The following LRSAM1 variants were observed in gnomAD, a reference collection of about 807,000 sequenced individuals.
The protein encoded by LRSAM1 is E3 ubiquitin-protein ligase LRSAM1.
A neutral mutation model predicts 118.1 loss-of-function variants in LRSAM1; 96 were observed. The observed-to-expected ratio is 0.81, with a 90% CI of 0.69 to 0.96. The LOEUF is 0.96. LRSAM1 is among the 40% of genes least tolerant of loss of function. The pLI is 0.00. For synonymous variants in LRSAM1, 322 were observed against 364.2 expected (o/e 0.88, Z 1.32); for missense variants, 804 against 915.5 (o/e 0.88, Z 1.57).
Position 127,481,165 on chromosome 9 carries a change from TTA to T in LRSAM1, c.1044-16_1044-15del. ...GCCTGCTGGTGACTGCCAGGACCTTTTATGATTTTCTCCACAGACAAAAGAAA... is the reference window on the plus strand; with the variant it reads ...GCCTGCTGGTGACTGCCAGGACCTTTTGATTTTCTCCACAGACAAAAGAAA... On this transcript the variant is annotated splice_polypyrimidine_tract_variant and intron_variant, in intron 14 of 25. Coordinates refer to ENST00000300417, the MANE Select transcript of LRSAM1 (RefSeq NM_001005373.4). 1 of 1,613,970 alleles carries T rather than the reference TTA, an allele frequency of 6.2e-7. No individual in the cohort carries two copies. Among genetic ancestry groups the T allele is most frequent in the Non-Finnish European group, 8.5e-7 (1 of 1,179,996 alleles).
rs1435776086 is a variant in LRSAM1, at chr9:127,503,168, G to A, written c.*269G>A. 7 of 510,870 alleles carry A rather than the reference G, an allele frequency of 1.4e-5. No individual in the cohort carries two copies. The highest frequency in any genetic ancestry group is 2.0e-5 in the South Asian group (1 of 49,214). The allele number at this position is 510,870 out of a possible 1,614,324, so 31.6% of individuals were successfully genotyped here. ...CCACCACCCGAGCCTGGGAGCCAGC[G>A]TCCCAGCCTAATCACGGATCTGCTG... On this transcript the variant is annotated 3_prime_UTR_variant, in exon 26 of 26. Transcript: ENST00000300417.
intron 10 of LRSAM1, among the ~76,000 whole-genome samples, chr9:127,471,465 T>C (rs1435058797): frequency 1.1e-5 from 1 of 93,980 alleles, no homozygotes; most frequent in Non-Finnish European, 2.1e-5. Flanking sequence ...AGAGAGACCT[T>C]ATGTTATAAA....
At chr9:127,459,217 GTTTTTT>G in intron 7 of LRSAM1, 146 bp downstream of exon 7, 1 of 579,626 alleles carries the variant, frequency 1.7e-6, no homozygotes, top group Non-Finnish European at 3.0e-6. Flanking sequence ...GCCCTTTGGG[GTTTTTT>G]TTTTTTTTTT....
intron 20 of LRSAM1, 102 bp from the exon 21 acceptor site, chr9:127,492,700 G>T: frequency 9.2e-7 from 1 of 1,083,956 alleles, no homozygotes; most frequent in African/African-American, 1.6e-5. Flanking sequence ...ATTGGGCAGA[G>T]AACCGAGTGA....
intron 19 of LRSAM1, among the ~76,000 whole-genome samples, chr9:127,490,055 C>A (rs1227450895): frequency 6.7e-6 from 1 of 150,034 alleles, no homozygotes; most frequent in African/African-American, 2.4e-5. Context: ...TGACAAGATA[C>A]CCCCCACCCC....
intron 10 of LRSAM1, among the ~76,000 whole-genome samples, chr9:127,473,549 T>C (rs1422613386): frequency 2.6e-5 from 4 of 152,202 alleles, no homozygotes; most frequent in Non-Finnish European, 5.9e-5. Context: ...CACTTCATTC[T>C]CACTTGGATG....
Position 127,487,724 on chromosome 9 carries a change from A to C in LRSAM1, c.1308A>C (p.Gln436His), listed in dbSNP as rs1464942666. The C allele has an allele frequency of 1.2e-6, 2 of 1,613,606 alleles. No individual in the cohort carries two copies. Among genetic ancestry groups the C allele is most frequent in the Admixed American group, 3.3e-5 (2 of 59,962 alleles). The change falls in exon 18 of 26, where the codon CAA becomes CAC. Residue 436 changes from glutamine (Q) to histidine (H), a missense_variant. Physicochemically the swap from Gln to His is conservative, Grantham distance 24. Coordinates refer to ENST00000300417, the MANE Select transcript of LRSAM1 (RefSeq NM_001005373.4). ...ERFQQILSWQ[Q>H]MDQNKAISQI... Reference sequence around the variant, plus strand: ...TCCAGCAGATTCTGTCGTGGCAGCAAATGGATCAGAACAAAGCCATCAGCC... The same window carrying C: ...TCCAGCAGATTCTGTCGTGGCAGCACATGGATCAGAACAAAGCCATCAGCC...
chr9:127,458,911 G>A, intron 6 of LRSAM1, 92 bp from the exon 7 acceptor site: 1 of 1,216,424 alleles, frequency 8.2e-7, no homozygotes, highest in Non-Finnish European at 1.2e-6. Context: ...CACTGGGGGT[G>A]TGAGGTGGCC....
intron 22 of LRSAM1, 40 bp downstream of exon 22, chr9:127,495,458 G>T: frequency 6.3e-7 from 1 of 1,583,844 alleles, no homozygotes. Context: ...GGGAGCCCTG[G>T]GGACCTCCTC....
At chr9:127,456,689 C>T (rs1292629499) in intron 5 of LRSAM1, among the ~76,000 whole-genome samples, 1 of 151,850 alleles carries the variant, frequency 6.6e-6, no homozygotes, top group Non-Finnish European at 1.5e-5. Context: ...ATGGTGAAAC[C>T]CGGTCTCTAC....
chr9:127,479,241 G>A, intron 12 of LRSAM1, 142 bp from the exon 13 acceptor site: 1 of 1,222,184 alleles, frequency 8.2e-7, no homozygotes. Flanking sequence ...TCTTACAGTT[G>A]GGCCCTGGAG....
In LRSAM1 at chr9:127,473,066, C is replaced by T. The variant is rs1835232275; in HGVS notation, c.620-735C>T. On this transcript the variant is annotated intron_variant, in intron 10 of 25. Coordinates refer to ENST00000300417, the MANE Select transcript of LRSAM1 (RefSeq NM_001005373.4). ...GTATTTTATTAAAGAGTCTGCTAAT[C>T]GGATGGATAACAAGAGAGCCCATTA... Among the ~76,000 whole-genome samples, 5 of 152,272 alleles carry T rather than the reference C, an allele frequency of 3.3e-5. No individual in the cohort carries two copies. The South Asian group carries it at 6.2e-4, about 19-fold the overall frequency.
chr9:127,498,281 A>C (rs1366261673), intron 24 of LRSAM1, among the ~76,000 whole-genome samples: 2 of 152,202 alleles, frequency 1.3e-5, no homozygotes, highest in African/African-American at 2.4e-5. Context: ...CTCAACCCCC[A>C]AAAAGTCATT....
intron 10 of LRSAM1, among the ~76,000 whole-genome samples, chr9:127,471,348 G>A (rs1032764850): frequency 2.0e-5 from 3 of 151,862 alleles, no homozygotes; most frequent in African/African-American, 4.8e-5. Flanking sequence ...TGGCACACCT[G>A]TAGTGCCAGC....
intron 6 of LRSAM1, among the ~76,000 whole-genome samples, chr9:127,457,649 G>A (rs1418621357): frequency 1.3e-5 from 2 of 152,212 alleles, no homozygotes; most frequent in Admixed American, 6.5e-5. Context: ...GCCTCATGGC[G>A]AGTCAGCTAG....
At chr9:127,488,980 C>T (rs1254656818) in intron 18 of LRSAM1, among the ~76,000 whole-genome samples, 1 of 152,164 alleles carries the variant, frequency 6.6e-6, no homozygotes, top group Admixed American at 6.5e-5. Flanking sequence ...TGTCATCCCA[C>T]CCTGCTCCTT....
At chr9:127,493,360 C>A (rs1836006491) in intron 21 of LRSAM1, among the ~76,000 whole-genome samples, 1 of 152,198 alleles carries the variant, frequency 6.6e-6, no homozygotes, top group Non-Finnish European at 1.5e-5. Flanking sequence ...CCGCGCCTAG[C>A]CTCTCCTGCG....
chr9:127,503,388 C>T lies in LRSAM1; in HGVS notation c.*489C>T, dbSNP rs150834683. The T allele has an allele frequency of 1.1e-5, 2 of 186,676 alleles. No homozygotes were observed. The highest frequency in any genetic ancestry group is 2.2e-5 in the Non-Finnish European group (2 of 88,922). The allele number at this position is 186,676 out of a possible 1,614,324, so 11.6% of individuals were successfully genotyped here. A position where few individuals can be genotyped will look rare whatever the true frequency, so the allele number is the denominator to read the frequency against. ...GTGGCACCAGCAACCCTGGGTCTCCCTCTCTGCTGCTCCCCAGAACCCCGG... is the reference window on the plus strand; with the variant it reads ...GTGGCACCAGCAACCCTGGGTCTCCTTCTCTGCTGCTCCCCAGAACCCCGG... On this transcript the variant is annotated 3_prime_UTR_variant, in exon 26 of 26. Coordinates refer to ENST00000300417, the MANE Select transcript of LRSAM1 (RefSeq NM_001005373.4).
At chr9:127,473,119 G>GT in intron 10 of LRSAM1, among the ~76,000 whole-genome samples, 1 of 152,170 alleles carries the variant, frequency 6.6e-6, no homozygotes, top group East Asian at 1.9e-4. Context: ...CCTTGATTCT[G>GT]TGAATATTTT....
Sources: allele counts gnomAD v4.1 joint callset (sites outside exome capture counted in the v4.1 genomes callset), GRCh38; gene constraint gnomAD v4.1.1; transcripts MANE v1.5; gene names NCBI Gene and HGNC (gene_info 2026-07-23, HGNC 2026-07-21).